Variants in LRRIQ3 observed in about 807,000 individuals in gnomAD.
LRRIQ3 encodes the protein leucine rich repeats and IQ motif containing 3, also known as leucine-rich repeat and IQ domain-containing protein 3.
A neutral mutation model predicts 59.3 loss-of-function variants in LRRIQ3; 75 were observed. The ratio of observed to expected loss-of-function variants is 1.26; its 90% CI spans 1.05 to 1.53. The LOEUF (loss-of-function observed/expected upper bound fraction) is 1.53, where lower values mean the gene tolerates loss of function less well. Among genes scored for constraint, LRRIQ3 ranks in the 40% most tolerant of loss-of-function variants. The pLI is 0.00. For missense variants in LRRIQ3, 831 were observed against 710.0 expected, an observed-to-expected ratio of 1.17 and a Z score of -1.94; for synonymous variants, 250 against 231.3, an observed-to-expected ratio of 1.08 and a Z score of -0.73.
At chr1:74,116,046 T>C (rs1438237996) in intron 4 of LRRIQ3, among the ~76,000 whole-genome samples, 1 of 152,052 alleles carries the variant, frequency 6.6e-6, no homozygotes, top group Non-Finnish European at 1.5e-5. Flanking sequence ...CATTCTTTCT[T>C]TTTAAAAATC....
chr1:74,196,491 A>G (rs1270107836), intron 1 of LRRIQ3, among the ~76,000 whole-genome samples: 1 of 152,158 alleles, frequency 6.6e-6, no homozygotes, highest in Non-Finnish European at 1.5e-5. Flanking sequence ...ACTCGTATGT[A>G]TAATGCATAC....
chr1:74,137,221 T>C (rs188661511), intron 4 of LRRIQ3, among the ~76,000 whole-genome samples: 3 of 152,024 alleles, frequency 2.0e-5, no homozygotes, highest in Non-Finnish European at 4.4e-5. Flanking sequence ...AATTAAACAA[T>C]CAACCTAAAT....
At chr1:74,111,335 C>T (rs1229630512) in intron 4 of LRRIQ3, among the ~76,000 whole-genome samples, 1 of 151,728 alleles carries the variant, frequency 6.6e-6, no homozygotes, top group Non-Finnish European at 1.5e-5. Flanking sequence ...GATAATATTG[C>T]TAAGAAGAGA....
chr1:74,143,008 C>T (rs1647328327), intron 4 of LRRIQ3, among the ~76,000 whole-genome samples: 1 of 151,970 alleles, frequency 6.6e-6, no homozygotes, highest in Admixed American at 6.6e-5. Flanking sequence ...GCTCCTAGTA[C>T]CACTTCTGAA....
intron 6 of LRRIQ3, among the ~76,000 whole-genome samples, chr1:74,058,124 G>T (rs982851940): frequency 1.3e-5 from 2 of 152,066 alleles, no homozygotes; most frequent in Non-Finnish European, 2.9e-5. Flanking sequence ...ACTGTTGGTA[G>T]GAGCATACAT....
At chr1:74,134,315 G>T (rs941670485) in intron 4 of LRRIQ3, among the ~76,000 whole-genome samples, 1 of 151,998 alleles carries the variant, frequency 6.6e-6, no homozygotes, top group African/African-American at 2.4e-5. Flanking sequence ...TAGCATTTTA[G>T]CCTGGTGCTG....
At chr1:74,084,121 A>G (rs1295656232) in intron 5 of LRRIQ3, 19 of 1,524,442 alleles carry the variant, frequency 1.2e-5, no homozygotes, top group East Asian at 2.5e-5. Flanking sequence ...CTGTTGTCCA[A>G]TGAATGATGT....
At position 74,094,112 on chromosome 1, in the gene LRRIQ3, A is replaced by T. The variant is rs190062843; in HGVS notation, c.867+15282T>A. Reference sequence around the variant, plus strand: ...TATAGTCTTTCCTCAGTATGTGCACATGGGGTTGGGGGAGGGGGAGATTCT... The same window carrying T: ...TATAGTCTTTCCTCAGTATGTGCACTTGGGGTTGGGGGAGGGGGAGATTCT... On this transcript the variant is annotated intron_variant, in intron 5 of 7. Coordinates refer to ENST00000354431, the MANE Select transcript of LRRIQ3 (RefSeq NM_001105659.2). Among the ~76,000 whole-genome samples, 6 of 151,912 alleles carry T rather than the reference A, an allele frequency of 3.9e-5. No homozygotes were observed. The East Asian group carries it at 1.2e-3, about 30-fold the overall frequency.
At chr1:74,067,050 C>T (rs990589504) in intron 6 of LRRIQ3, among the ~76,000 whole-genome samples, 6 of 152,064 alleles carry the variant, frequency 3.9e-5, no homozygotes, top group Non-Finnish European at 5.9e-5. Flanking sequence ...TTTGTAAGAA[C>T]AAAATTATTG....
chr1:74,062,935 T>G (rs1195608674), intron 6 of LRRIQ3, among the ~76,000 whole-genome samples: 2 of 151,990 alleles, frequency 1.3e-5, no homozygotes, highest in African/African-American at 4.8e-5. Flanking sequence ...CCATATAACA[T>G]ACAATTTATA....
chr1:74,109,422 A>G lies in LRRIQ3; in HGVS notation c.839T>C (p.Ile280Thr), dbSNP rs929917125. ...KDLFFKPETN[I>T]KGKLAYWKHN... ...TTTCCAATATGCAAGCTTTCCTTTT[A>G]TATTAGTTTCAGGTTTGAAAAAGAG... The change falls in exon 5 of 8, where the codon ATA (isoleucine) becomes ACA (threonine). Residue 280 changes from isoleucine (I) to threonine (T), a missense_variant. By Grantham distance (89) the Ile-to-Thr change is moderately conservative. Coordinates refer to ENST00000354431, the MANE Select transcript of LRRIQ3 (RefSeq NM_001105659.2). The G allele has an allele frequency of 4.0e-5, 62 of 1,551,588 alleles. No individual in the cohort carries two copies. Among genetic ancestry groups the G allele is most frequent in the Non-Finnish European group, 4.6e-5 (53 of 1,145,668 alleles).
chr1:74,182,493 C>T (rs775043402), intron 3 of LRRIQ3, 45 bp downstream of exon 3: 1 of 1,296,072 alleles, frequency 7.7e-7, no homozygotes, highest in South Asian at 2.1e-5. Context: ...TAAAATTTCC[C>T]TTTTATACAT....
intron 5 of LRRIQ3, chr1:74,078,611 T>C (rs1646235642): frequency 6.6e-6 from 1 of 151,890 alleles, no homozygotes; most frequent in Non-Finnish European, 1.5e-5. Flanking sequence ...GACCCTAAGC[T>C]GTATTAAGCA....
In LRRIQ3 at chr1:74,182,648, C is replaced by A; in HGVS notation, c.463G>T (p.Asp155Tyr). 1 of 1,611,170 alleles carries A rather than the reference C, an allele frequency of 6.2e-7. No homozygotes were observed. The highest frequency in any genetic ancestry group is 8.5e-7 in the Non-Finnish European group (1 of 1,178,060). ...TCTTCATCAGAAATCACATGATGAT[C>A]CAGCGCTTTGAGAGGCCATATACTG... ...VNSIWPLKAL[D>Y]HHVISDEEII... Residue 155 changes from aspartate to tyrosine, a missense_variant, in exon 3 of 8, where the codon GAT becomes TAT. Physicochemically the swap from Asp to Tyr is radical, Grantham distance 160 (BLOSUM62 -3). Transcript: ENST00000354431.
At position 74,168,586 on chromosome 1, in the gene LRRIQ3, T is replaced by C. The variant is rs377581386; in HGVS notation, c.574-12720A>G. 5.3e-5 allele frequency among the ~76,000 whole-genome samples: 8 copies of C among 152,118 alleles called. No individual in the cohort carries two copies. In the East Asian group the frequency reaches 7.7e-4, roughly 15 times the overall value. On this transcript the variant is annotated intron_variant, in intron 3 of 7. Transcript: ENST00000354431. ...TATTTAGACCATTTACTGTAAATTT[T>C]AATGTAATTATAGACAGGTTAATGC...
intron 5 of LRRIQ3, among the ~76,000 whole-genome samples, chr1:74,075,128 G>C (rs994939250): frequency 2.0e-5 from 3 of 152,110 alleles, no homozygotes; most frequent in Admixed American, 2.0e-4. Context: ...TCCCCAGAAA[G>C]CCTGAAGGAA....
In LRRIQ3 at chr1:74,114,994, T is replaced by C. The variant is rs953091895; in HGVS notation, c.708-5441A>G. 9.9e-5 allele frequency among the ~76,000 whole-genome samples: 15 copies of C among 152,042 alleles called. No homozygotes were observed. In the East Asian group the frequency reaches 2.3e-3, roughly 23 times the overall value. On this transcript the variant is annotated intron_variant, in intron 4 of 7. Transcript: ENST00000354431. ...TGGCTCCTATTTTAAATATAATCTT[T>C]AATTTTATTTTCATTTTCTTTCTAA...
At chr1:74,087,394 T>G (rs1646339235) in intron 5 of LRRIQ3, among the ~76,000 whole-genome samples, 2 of 145,396 alleles carry the variant, frequency 1.4e-5, no homozygotes, top group South Asian at 4.3e-4. Flanking sequence ...TTTTTTTTTT[T>G]TTTTTTTTTT....
intron 3 of LRRIQ3, among the ~76,000 whole-genome samples, chr1:74,178,775 A>C (rs1198755004): frequency 6.6e-6 from 1 of 152,148 alleles, no homozygotes; most frequent in Non-Finnish European, 1.5e-5. Flanking sequence ...CAGTCATAGA[A>C]GTCTATCAAG....
Sources: gnomAD v4.1 joint callset for allele counts (sites outside exome capture counted in the v4.1 genomes callset) on GRCh38, gnomAD v4.1.1 for gene constraint, MANE v1.5 for transcripts, NCBI Gene and HGNC (gene_info 2026-07-23, HGNC 2026-07-21) for gene names.